FIGN: variants seen among roughly 807,000 people sequenced by gnomAD.
FIGN encodes fidgetin, microtubule severing factor.
Under a neutral mutation model 51.3 loss-of-function variants are expected in FIGN, and 11 were observed. The ratio of observed to expected loss-of-function variants is 0.21; its 90% CI spans 0.13 to 0.35. The LOEUF (loss-of-function observed/expected upper bound fraction) is 0.35. FIGN is among the 10% of genes least tolerant of loss of function. FIGN has a pLI of 1.00. For synonymous variants in FIGN, 407 were observed against 363.2 expected, an observed-to-expected ratio of 1.12 and a Z score of -1.37; for missense variants, 857 against 943.6, an observed-to-expected ratio of 0.91 and a Z score of 1.20.
intron 2 of FIGN, among the ~76,000 whole-genome samples, chr2:163,724,003 G>T (rs2105364806): frequency 6.6e-6 from 1 of 152,278 alleles, no homozygotes; most frequent in East Asian, 1.9e-4. Flanking sequence ...CGACTAGCAA[G>T]GTCCAAGTTA....
intron 2 of FIGN, among the ~76,000 whole-genome samples, chr2:163,686,690 C>G (rs913775539): frequency 1.3e-5 from 2 of 151,792 alleles, no homozygotes; most frequent in Non-Finnish European, 2.9e-5. Flanking sequence ...ATCTCATTTA[C>G]TAGGCCTGGC....
intron 2 of FIGN, among the ~76,000 whole-genome samples, chr2:163,652,670 T>A (rs929533964): frequency 3.3e-5 from 5 of 152,150 alleles, no homozygotes; most frequent in African/African-American, 1.2e-4. Context: ...AAAGTGTGAA[T>A]GATTCCCACT....
intron 2 of FIGN, among the ~76,000 whole-genome samples, chr2:163,630,701 TC>T (rs1683133779): frequency 2.6e-5 from 4 of 151,692 alleles, no homozygotes; most frequent in Admixed American, 1.3e-4. Flanking sequence ...TGATTGTCAG[TC>T]ATTACTAAAA....
intron 2 of FIGN, among the ~76,000 whole-genome samples, chr2:163,636,092 CAT>C (rs1236151933): frequency 6.6e-6 from 1 of 152,114 alleles, no homozygotes; most frequent in Non-Finnish European, 1.5e-5. Context: ...ACAATGATGA[CAT>C]AGATTATTCA....
At chr2:163,732,733 T>C (rs1684950924) in intron 2 of FIGN, among the ~76,000 whole-genome samples, 1 of 152,244 alleles carries the variant, frequency 6.6e-6, no homozygotes, top group South Asian at 2.1e-4. Flanking sequence ...AAAATATCCT[T>C]GCTTTTTTTC....
chr2:163,734,616 T>G (rs1684986157), intron 2 of FIGN, among the ~76,000 whole-genome samples: 1 of 148,830 alleles, frequency 6.7e-6, no homozygotes, highest in Non-Finnish European at 1.5e-5. Context: ...CTATTTGACT[T>G]CAGCAGTTAT....
At chr2:163,672,011 A>T (rs903539297) in intron 2 of FIGN, among the ~76,000 whole-genome samples, 2 of 152,288 alleles carry the variant, frequency 1.3e-5, no homozygotes, top group East Asian at 3.9e-4. Flanking sequence ...TAGAAATGCC[A>T]GTTTCTAAAT....
chr2:163,735,036 T>C lies in FIGN; in HGVS notation c.-109A>G. The C allele has an allele frequency of 8.9e-7, 1 of 1,129,080 alleles. No individual in the cohort carries two copies. The highest frequency in any genetic ancestry group is 1.3e-6 in the Non-Finnish European group (1 of 768,574). 69.9% of individuals were successfully genotyped at this position (1,129,080 alleles called of 1,614,324 possible). On this transcript the variant is annotated 5_prime_UTR_variant, in exon 2 of 3. Transcript: ENST00000333129. The stretch of plus-strand genomic sequence containing the variant: ...CTCTCAGCTATCAAATGTCACTGCC[T>C]TGAAACGTGGGCCCTTTCGTCAGGT...
chr2:163,732,993 G>A (rs1396385717), intron 2 of FIGN, among the ~76,000 whole-genome samples: 2 of 152,130 alleles, frequency 1.3e-5, no homozygotes, highest in Non-Finnish European at 2.9e-5. Flanking sequence ...CCTTTAGGCC[G>A]CACATTTGAG....
At chr2:163,617,108 T>C (rs1362822821) in intron 2 of FIGN, 2 of 985,236 alleles carry the variant, frequency 2.0e-6, no homozygotes, top group Non-Finnish European at 1.2e-6. Flanking sequence ...GTATTACTAG[T>C]ACTAACTCAT....
At chr2:163,669,031 T>TAC (rs952108963) in intron 2 of FIGN, among the ~76,000 whole-genome samples, 4 of 148,548 alleles carry the variant, frequency 2.7e-5, no homozygotes, top group Non-Finnish European at 5.9e-5. Context: ...TATATATATA[T>TAC]ATATACACTA....
chr2:163,643,695 T>A lies in FIGN; in HGVS notation c.26-31889A>T, dbSNP rs1456838301. Among the ~76,000 whole-genome samples, 5 of 149,458 alleles carry A rather than the reference T, an allele frequency of 3.3e-5. No homozygotes were observed. The South Asian group carries it at 1.1e-3, about 32-fold the overall frequency. On this transcript the variant is annotated intron_variant, in intron 2 of 2. Transcript: ENST00000333129. Reference sequence around the variant, plus strand: ...ATTGCCGGGCACAGTGGCTCATGCCTGTCATCCTAGAACTTCGGGAGGCTG... The same window carrying A: ...ATTGCCGGGCACAGTGGCTCATGCCAGTCATCCTAGAACTTCGGGAGGCTG...
intron 2 of FIGN, among the ~76,000 whole-genome samples, chr2:163,663,964 A>G (rs1468841728): frequency 6.6e-6 from 1 of 152,166 alleles, no homozygotes; most frequent in African/African-American, 2.4e-5. Flanking sequence ...TTTAACAAAG[A>G]TAGTTTAAAG....
In FIGN at chr2:163,611,789, T is replaced by C; in HGVS notation, c.43A>G (p.Thr15Ala). 6.3e-7 allele frequency: 1 copy of C among 1,599,626 alleles called. No homozygotes were observed. Among genetic ancestry groups the C allele is most frequent in the Non-Finnish European group, 8.6e-7 (1 of 1,167,940 alleles). Residue 15 changes from threonine (T) to alanine (A), a missense_variant, in exon 3 of 3, where the codon ACG becomes GCG. By Grantham distance (58) the Thr-to-Ala change is moderately conservative. Coordinates refer to ENST00000333129, the MANE Select transcript of FIGN (RefSeq NM_018086.4). ...TSVYGLKMQW[T>A]PEHAQWPEQH... ...TCTGGCCACTGGGCATGCTCTGGCG[T>C]CCACTGCATCTTCAAGCCTAAGAAT...
intron 2 of FIGN, among the ~76,000 whole-genome samples, chr2:163,629,263 A>T (rs192811256): frequency 6.6e-6 from 1 of 152,356 alleles, no homozygotes; most frequent in Non-Finnish European, 1.5e-5. Context: ...ACAAGTGAGG[A>T]TTTTCAGACA....
chr2:163,718,239 A>G (rs1684700291), intron 2 of FIGN, among the ~76,000 whole-genome samples: 1 of 152,148 alleles, frequency 6.6e-6, no homozygotes, highest in South Asian at 2.1e-4. Flanking sequence ...GCTGCCATGG[A>G]GGGGAAAAAC....
intron 2 of FIGN, among the ~76,000 whole-genome samples, chr2:163,717,287 G>A (rs989805743): frequency 2.0e-5 from 3 of 152,170 alleles, no homozygotes; most frequent in Non-Finnish European, 4.4e-5. Context: ...GTGTGTGGGG[G>A]TGAGTGGGGC....
rs777340291 is a variant in FIGN, at chr2:163,608,800, T to G, written c.*752A>C. 1 of 152,638 alleles carries G rather than the reference T, an allele frequency of 6.6e-6. No homozygotes were observed. Among genetic ancestry groups the G allele is most frequent in the Non-Finnish European group, 1.5e-5 (1 of 68,038 alleles). The allele number at this position is 152,638 out of a possible 1,614,324, so 9.5% of individuals were successfully genotyped here. ...TTCAAAGTAATTTTCCTTGCTATTT[T>G]CCAATTGTTGAGGTAAACATACATT... On this transcript the variant is annotated 3_prime_UTR_variant, in exon 3 of 3. Coordinates refer to ENST00000333129, the MANE Select transcript of FIGN (RefSeq NM_018086.4).
intron 2 of FIGN, among the ~76,000 whole-genome samples, chr2:163,636,046 T>C (rs1683220199): frequency 6.6e-6 from 1 of 152,186 alleles, no homozygotes; most frequent in South Asian, 2.1e-4. Flanking sequence ...AAGAGAGTAG[T>C]AGGTACTTCC....
Sources: gnomAD v4.1 joint callset for allele counts (sites outside exome capture counted in the v4.1 genomes callset) on GRCh38, gnomAD v4.1.1 for gene constraint, MANE v1.5 for transcripts, NCBI Gene and HGNC (gene_info 2026-07-23, HGNC 2026-07-21) for gene names.